The following TENM4 variants were observed in gnomAD, a reference collection of about 807,000 sequenced individuals.
TENM4 encodes teneurin-4.
A neutral mutation model predicts 243.3 loss-of-function variants in TENM4; 82 were observed. The observed-to-expected ratio is 0.34, with a 90% CI of 0.28 to 0.40. The LOEUF (loss-of-function observed/expected upper bound fraction) is 0.40, where lower values mean the gene tolerates loss of function less well. Ranked by LOEUF, TENM4 falls within the 10% of genes least tolerant of loss-of-function variation. TENM4 has a pLI of 1.00. For missense variants in TENM4, 3,138 were observed against 3,673.3 expected (o/e 0.85, Z 3.77); for synonymous variants, 1,412 against 1,456.3 (o/e 0.97, Z 0.69).
chr11:78,907,966 T>G (rs1187008268), intron 6 of TENM4, among the ~76,000 whole-genome samples: 1 of 152,240 alleles, frequency 6.6e-6, no homozygotes, highest in Non-Finnish European at 1.5e-5. Flanking sequence ...ACCTGAGTTT[T>G]GCAAGCCTGG....
chr11:79,434,187 AT>A (rs1859225903), intron 1 of TENM4, among the ~76,000 whole-genome samples: 1 of 152,314 alleles, frequency 6.6e-6, no homozygotes, highest in South Asian at 2.1e-4. Flanking sequence ...ATGCCTAACA[AT>A]TTCCACTTTC....
chr11:79,436,682 C>T (rs1043467720), intron 1 of TENM4, among the ~76,000 whole-genome samples: 15 of 152,160 alleles, frequency 9.9e-5, no homozygotes, highest in Non-Finnish European at 1.9e-4. Flanking sequence ...CTAGTTCTGC[C>T]CGTTGGCATC....
intron 6 of TENM4, among the ~76,000 whole-genome samples, chr11:79,019,557 G>T (rs541498583): frequency 2.8e-4 from 43 of 152,268 alleles, no homozygotes; most frequent in African/African-American, 9.6e-4. Flanking sequence ...CCCTCTAAAA[G>T]CTAGTTCTTC....
chr11:78,964,598 G>T (rs903581876), intron 6 of TENM4, among the ~76,000 whole-genome samples: 1 of 152,192 alleles, frequency 6.6e-6, no homozygotes, highest in Non-Finnish European at 1.5e-5. Flanking sequence ...TTGAGAGCCT[G>T]CCTTCCCTGA....
At chr11:78,890,083 C>G in intron 8 of TENM4, 63 bp from the exon 9 acceptor site, 1 of 1,367,996 alleles carries the variant, frequency 7.3e-7, no homozygotes, top group East Asian at 2.5e-5. Flanking sequence ...CCCAGACAAA[C>G]CTGGAGGCCA....
At chr11:79,360,118 T>C (rs1857566377) in intron 1 of TENM4, among the ~76,000 whole-genome samples, 1 of 152,208 alleles carries the variant, frequency 6.6e-6, no homozygotes. Flanking sequence ...TGGTACTTTG[T>C]GCAGTTGGAT....
intron 2 of TENM4, among the ~76,000 whole-genome samples, chr11:79,230,241 G>A (rs924678749): frequency 6.6e-6 from 1 of 152,142 alleles, no homozygotes; most frequent in Non-Finnish European, 1.5e-5. Context: ...CCTTCTTTCA[G>A]GACATCACCC....
At chr11:78,939,991 G>T (rs541175568) in intron 6 of TENM4, among the ~76,000 whole-genome samples, 2 of 150,956 alleles carry the variant, frequency 1.3e-5, no homozygotes, top group East Asian at 3.9e-4. Context: ...AAAATATATA[G>T]AAGAAAAAAG....
At chr11:78,981,666 A>G (rs1005308236) in intron 6 of TENM4, among the ~76,000 whole-genome samples, 1 of 152,224 alleles carries the variant, frequency 6.6e-6, no homozygotes, top group African/African-American at 2.4e-5. Context: ...CTTGATGAAC[A>G]TGCCTGGAAT....
intron 2 of TENM4, among the ~76,000 whole-genome samples, chr11:79,266,017 T>A (rs1260486837): frequency 6.6e-6 from 1 of 152,194 alleles, no homozygotes; most frequent in Non-Finnish European, 1.5e-5. Context: ...CCTATCTGAT[T>A]TCCCAGGTGG....
intron 7 of TENM4, among the ~76,000 whole-genome samples, chr11:78,902,491 G>A (rs1855951934): frequency 6.6e-6 from 1 of 152,152 alleles, no homozygotes; most frequent in Admixed American, 6.5e-5. Flanking sequence ...CTGGGGTGTA[G>A]GTGAAGCAGC....
intron 12 of TENM4, among the ~76,000 whole-genome samples, chr11:78,832,025 T>C (rs1461922541): frequency 6.6e-6 from 1 of 152,230 alleles, no homozygotes; most frequent in Non-Finnish European, 1.5e-5. Context: ...ATTGTGTCAT[T>C]AATCCTTCCA....
intron 17 of TENM4, among the ~76,000 whole-genome samples, chr11:78,774,516 G>A (rs764916455): frequency 6.6e-6 from 1 of 152,092 alleles, no homozygotes; most frequent in Non-Finnish European, 1.5e-5. Context: ...CTGTCCCAAG[G>A]ATACTGAAAT....
chr11:78,698,280 T>A (rs1474667468), intron 28 of TENM4, among the ~76,000 whole-genome samples: 1 of 152,074 alleles, frequency 6.6e-6, no homozygotes, highest in Non-Finnish European at 1.5e-5. Flanking sequence ...CAGATGCCTG[T>A]AATCCCAGCT....
rs1859130612 is a variant in TENM4 at position 78,702,376 on chromosome 11, C to T, written c.4237G>A (p.Ala1413Thr). 2 of 1,612,878 alleles carry T rather than the reference C, an allele frequency of 1.2e-6. No homozygotes were observed. The highest frequency in any genetic ancestry group is 1.7e-5 in the Admixed American group (1 of 60,002). ...AGTGAGTTGTCCATTGGGTTGATGG[C>T]TAAGTCTGTGGGCCACTCCAGGTGA... Reference protein sequence around the residue: ...QVHLEWPTDLAINPMDNSLYV... With the variant: ...QVHLEWPTDLTINPMDNSLYV... Residue 1413 changes from alanine (A) to threonine (T), a missense_variant, in exon 28 of 34, where the codon GCC becomes ACC. Around this residue, in one of 2 missense-constraint regions of TENM4, gnomAD observed 2,467 missense variants for 3,059.1 expected, o/e 0.81. Coordinates refer to ENST00000278550, the MANE Select transcript of TENM4 (RefSeq NM_001098816.3).
At chr11:78,856,613 C>T (rs1332881965) in intron 10 of TENM4, among the ~76,000 whole-genome samples, 2 of 151,884 alleles carry the variant, frequency 1.3e-5, no homozygotes, top group Non-Finnish European at 2.9e-5. Flanking sequence ...AGAATGAGTC[C>T]CCCAGCAGTG....
intron 2 of TENM4, among the ~76,000 whole-genome samples, chr11:79,229,857 T>A (rs692805): frequency 1.1e-4 from 16 of 152,228 alleles, no homozygotes; most frequent in Middle Eastern, 3.4e-3. Flanking sequence ...ACAAAGTACT[T>A]GCTCTTTAAT....
intron 27 of TENM4, among the ~76,000 whole-genome samples, chr11:78,703,003 C>T (rs756215421): frequency 6.6e-6 from 1 of 152,212 alleles, no homozygotes. Flanking sequence ...GACATAAAGA[C>T]AAGCTAACCA....
At chr11:79,298,311 C>T (rs570565242) in intron 1 of TENM4, among the ~76,000 whole-genome samples, 1 of 151,614 alleles carries the variant, frequency 6.6e-6, no homozygotes, top group East Asian at 1.9e-4. Context: ...GTCAGGAGAT[C>T]GAGACCATCC....
Sources: gnomAD v4.1 joint callset for allele counts (sites outside exome capture counted in the v4.1 genomes callset) on GRCh38, gnomAD v4.1.1 for gene constraint, gnomAD v4.1.1 regional missense constraint, MANE v1.5 for transcripts, NCBI Gene and HGNC (gene_info 2026-07-23, HGNC 2026-07-21) for gene names.